The following KCNH1 variants were observed in gnomAD, a reference collection of about 807,000 sequenced individuals.
KCNH1 encodes potassium voltage-gated channel subfamily H member 1.
In KCNH1, 27 loss-of-function variants were observed where a neutral mutation model predicts 69.2. That is an observed-to-expected ratio of 0.39 (90% CI 0.29 to 0.54). The LOEUF (loss-of-function observed/expected upper bound fraction) is 0.54. Among genes scored for constraint, KCNH1 ranks in the 20% least tolerant of loss-of-function variants. KCNH1 has a pLI of 0.68. For synonymous variants in KCNH1, 456 were observed against 487.7 expected (o/e 0.93, Z 0.86); for missense variants, 798 against 1,261.6 (o/e 0.63, Z 5.57).
chr1:210,962,210 T>C (rs1453524701), intron 6 of KCNH1, among the ~76,000 whole-genome samples: 1 of 152,246 alleles, frequency 6.6e-6, no homozygotes, highest in Non-Finnish European at 1.5e-5. Flanking sequence ...CCCTATGGCA[T>C]GGCCTCTTCA....
At chr1:210,952,383 T>C (rs1187952622) in intron 6 of KCNH1, among the ~76,000 whole-genome samples, 1 of 152,196 alleles carries the variant, frequency 6.6e-6, no homozygotes, top group Non-Finnish European at 1.5e-5. Context: ...TCTATCAGTC[T>C]ATCCAGCAGA....
chr1:210,926,615 A>G (rs1460387204), intron 6 of KCNH1, among the ~76,000 whole-genome samples: 1 of 152,198 alleles, frequency 6.6e-6, no homozygotes, highest in African/African-American at 2.4e-5. Context: ...CCAAATGAGA[A>G]GGAACCAGAA....
At chr1:210,944,849 T>C (rs568470828) in intron 6 of KCNH1, among the ~76,000 whole-genome samples, 10 of 152,332 alleles carry the variant, frequency 6.6e-5, no homozygotes, top group African/African-American at 2.4e-4. Flanking sequence ...CCATCACCAC[T>C]ATTCATCTCC....
intron 7 of KCNH1, among the ~76,000 whole-genome samples, chr1:210,911,022 T>C (rs1328157762): frequency 6.6e-6 from 1 of 151,630 alleles, no homozygotes; most frequent in Non-Finnish European, 1.5e-5. Flanking sequence ...GTGTAGATTG[T>C]AAGTTAACTG....
intron 10 of KCNH1, among the ~76,000 whole-genome samples, chr1:210,756,175 T>C (rs572897412): frequency 1.3e-5 from 2 of 152,288 alleles, no homozygotes; most frequent in African/African-American, 4.8e-5. Flanking sequence ...ATTTGTCCCA[T>C]AGCCTGGAGA....
intron 7 of KCNH1, among the ~76,000 whole-genome samples, chr1:210,881,491 T>C (rs9661232): frequency 0.81 from 123,352 of 152,208 alleles, 50,175 homozygotes; most frequent in Non-Finnish European, 0.85. Flanking sequence ...ACTCTTACTA[T>C]ACAATCCAGC....
chr1:210,939,618 G>A (rs532735361), intron 6 of KCNH1, among the ~76,000 whole-genome samples: 16 of 152,198 alleles, frequency 1.1e-4, no homozygotes, highest in African/African-American at 3.6e-4. Context: ...CTGACTGCCC[G>A]GCACAGAAGG....
At chr1:211,071,809 A>T (rs1002282005) in intron 5 of KCNH1, among the ~76,000 whole-genome samples, 7 of 152,220 alleles carry the variant, frequency 4.6e-5, no homozygotes, top group Admixed American at 1.3e-4. Flanking sequence ...AACAATCCAC[A>T]TATTAGTGGA....
At chr1:210,976,609 A>G (rs1461383809) in intron 6 of KCNH1, among the ~76,000 whole-genome samples, 1 of 143,958 alleles carries the variant, frequency 6.9e-6, no homozygotes, top group Non-Finnish European at 1.5e-5. Flanking sequence ...CTGGGTATAT[A>G]CCCAAAGGAT....
intron 10 of KCNH1, among the ~76,000 whole-genome samples, chr1:210,718,460 TATATGTATATATATA>T (rs1682340300): frequency 1.3e-5 from 1 of 76,780 alleles, no homozygotes; most frequent in Admixed American, 1.8e-4. Context: ...AATATATACA[TATATGTATATATATA>T]AAATATATAC....
At chr1:210,959,435 C>T (rs1165814409) in intron 6 of KCNH1, among the ~76,000 whole-genome samples, 2 of 152,190 alleles carry the variant, frequency 1.3e-5, no homozygotes, top group African/African-American at 2.4e-5. Context: ...GCTGGGAGAA[C>T]CACTGCTCTC....
intron 6 of KCNH1, among the ~76,000 whole-genome samples, chr1:210,999,701 G>A (rs1003941228): frequency 9.2e-5 from 14 of 152,124 alleles, no homozygotes; most frequent in Non-Finnish European, 1.9e-4. Context: ...GCCTGGCAGA[G>A]ACACAGCAAC....
chr1:210,791,208 A>G (rs949296632), intron 9 of KCNH1, among the ~76,000 whole-genome samples: 2 of 152,194 alleles, frequency 1.3e-5, no homozygotes, highest in Non-Finnish European at 1.5e-5. Flanking sequence ...TCTCCCACTC[A>G]GTGCATCCCT....
At chr1:210,762,019 C>A (rs6691880) in intron 10 of KCNH1, among the ~76,000 whole-genome samples, 26,694 of 151,846 alleles carry the variant, frequency 0.18, 3,097 homozygotes, top group Non-Finnish European at 0.26. Flanking sequence ...TCAATAAATT[C>A]AAAAAAATCA....
chr1:210,863,800 T>C (rs1213082296), intron 7 of KCNH1, among the ~76,000 whole-genome samples: 1 of 152,206 alleles, frequency 6.6e-6, no homozygotes, highest in African/African-American at 2.4e-5. Flanking sequence ...CAGGTCTCTA[T>C]GCTAAACTTG....
intron 6 of KCNH1, among the ~76,000 whole-genome samples, chr1:210,964,486 A>C (rs1343550819): frequency 2.0e-5 from 3 of 152,238 alleles, no homozygotes; most frequent in Non-Finnish European, 4.4e-5. Context: ...CTATGCAAAT[A>C]AACTAGAAAA....
intron 7 of KCNH1, among the ~76,000 whole-genome samples, chr1:210,889,236 A>G (rs905891623): frequency 6.6e-6 from 1 of 152,220 alleles, no homozygotes; most frequent in Non-Finnish European, 1.5e-5. Context: ...CCTGGGATGC[A>G]AGGCTGATTC....
At position 210,938,308 on chromosome 1, in the gene KCNH1, C is replaced by T. The variant is rs1011067213; in HGVS notation, c.1033-18239G>A. ...GAAATAAATTATTTTCTTATCTATA[C>T]ATATAATATCTCTAGAAACACACGT... On this transcript the variant is annotated intron_variant, in intron 6 of 10. Transcript: ENST00000271751. Among the ~76,000 whole-genome samples, 4 of 152,284 alleles carry T rather than the reference C, an allele frequency of 2.6e-5. No homozygotes were observed. In the East Asian group the frequency reaches 5.8e-4, roughly 22 times the overall value.
intron 7 of KCNH1, among the ~76,000 whole-genome samples, chr1:210,911,124 G>A (rs73071558): frequency 0.023 from 3,496 of 152,166 alleles, 134 homozygotes; most frequent in African/African-American, 0.081. Context: ...CACAGCCCCT[G>A]ACCTAAGCTG....
Sources: allele counts gnomAD v4.1 joint callset (sites outside exome capture counted in the v4.1 genomes callset), GRCh38; gene constraint gnomAD v4.1.1; transcripts MANE v1.5; gene names NCBI Gene and HGNC (gene_info 2026-07-23, HGNC 2026-07-21).